Variants in RELT observed in about 807,000 individuals in gnomAD.
The protein encoded by RELT is RELT TNF receptor, also known as tumor necrosis factor receptor superfamily member 19L.
Under a neutral mutation model 51.1 loss-of-function variants are expected in RELT, and 37 were observed. The observed-to-expected ratio is 0.72, with a 90% CI of 0.56 to 0.95. The LOEUF is 0.95. RELT is among the 40% of genes least tolerant of loss of function. The probability of loss-of-function intolerance (pLI) is 0.00; values close to 1 mark genes in which losing one functional copy is unlikely to be tolerated. For missense variants in RELT, 535 were observed against 572.6 expected (o/e 0.93, Z 0.67); for synonymous variants, 241 against 235.7 (o/e 1.02, Z -0.21).
chr11:73,391,352 C>T (rs758480726), intron 5 of RELT, 129 bp downstream of exon 5: 104 of 840,754 alleles, frequency 1.2e-4, no homozygotes, highest in African/African-American at 7.2e-4. Context: ...CAGGGCAGGG[C>T]GTGCAGCCAA....
chr11:73,381,341 G>A (rs1177597554), intron 1 of RELT, among the ~76,000 whole-genome samples: 2 of 152,110 alleles, frequency 1.3e-5, no homozygotes, highest in Non-Finnish European at 2.9e-5. Flanking sequence ...GGGGACCTGC[G>A]CTTAGCCCAG....
intron 5 of RELT, 96 bp from the exon 6 acceptor site, chr11:73,392,115 C>G (rs993036970): frequency 1.4e-6 from 2 of 1,429,584 alleles, no homozygotes; most frequent in African/African-American, 2.8e-5. Flanking sequence ...CACATTGGCT[C>G]TCCTGCAGCC....
intron 5 of RELT, chr11:73,391,987 T>A: frequency 1.7e-6 from 1 of 603,284 alleles, no homozygotes; most frequent in Non-Finnish European, 2.9e-6. Flanking sequence ...GGGCTGGGTG[T>A]CTGGCCGTCC....
intron 2 of RELT, among the ~76,000 whole-genome samples, chr11:73,390,033 C>T (rs565362660): frequency 2.6e-5 from 4 of 152,114 alleles, no homozygotes; most frequent in Admixed American, 2.0e-4. Flanking sequence ...GGGGTAGCCT[C>T]GCCTTGAGGG....
chr11:73,394,468 C>A lies in RELT; in HGVS notation c.789-9C>A, dbSNP rs200772888. 3.1e-6 allele frequency: 5 copies of A among 1,609,988 alleles called. No individual in the cohort carries two copies. The highest frequency in any genetic ancestry group is 3.4e-6 in the Non-Finnish European group (4 of 1,177,834). ...GGCCTATGGCCACTTCTGCCTGTGC[C>A]CCCTGCAGGCTGCCGCCAGCGCCCC... On this transcript the variant is annotated splice_polypyrimidine_tract_variant and intron_variant, in intron 8 of 10. Coordinates refer to ENST00000064780, the MANE Select transcript of RELT (RefSeq NM_152222.2). This position sits in a 1 kb window ranked among gnomAD's most constrained non-coding sequence, Gnocchi z 4.9.
intron 3 of RELT, 50 bp from the exon 4 acceptor site, chr11:73,390,705 G>C (rs767596456): frequency 3.7e-6 from 6 of 1,609,408 alleles, no homozygotes; most frequent in Admixed American, 1.7e-5. Context: ...GGCCCCCAAG[G>C]GTCCTCAGGC....
chr11:73,379,677 G>A (rs1436772126), intron 1 of RELT, among the ~76,000 whole-genome samples: 1 of 152,204 alleles, frequency 6.6e-6, no homozygotes, highest in East Asian at 1.9e-4. Context: ...AGCACTGGAA[G>A]CAGGCCCAAG....
chr11:73,379,184 T>C (rs1348572302), intron 1 of RELT, among the ~76,000 whole-genome samples: 1 of 152,086 alleles, frequency 6.6e-6, no homozygotes, highest in Admixed American at 6.6e-5. Context: ...GCTGTCGTGG[T>C]CTCTAGGGGC....
intron 5 of RELT, 26 bp downstream of exon 5, chr11:73,391,249 T>C (rs1287342505): frequency 6.2e-7 from 1 of 1,605,274 alleles, no homozygotes. Flanking sequence ...GGGCTAGGAC[T>C]GGTGCAGGGG....
At position 73,393,580 on chromosome 11, in the gene RELT, G is replaced by A. The variant is rs1401900084; in HGVS notation, c.626-257G>A. 2.1e-6 allele frequency: 3 copies of A among 1,447,188 alleles called. No individual in the cohort carries two copies. The African/African-American group carries it at 4.2e-5, about 20-fold the overall frequency. The allele number at this position is 1,447,188 out of a possible 1,614,324, so 89.6% of individuals were successfully genotyped here. ...CCCTCGCCCGCCCAATTCAATGACT[G>A]GAGTTCACGTGGCCCTGAAGCCTCT... On this transcript the variant is annotated intron_variant, in intron 6 of 10. Coordinates refer to ENST00000064780, the MANE Select transcript of RELT (RefSeq NM_152222.2).
chr11:73,390,691 G>C (rs1011834329), intron 3 of RELT, 64 bp from the exon 4 acceptor site: 3 of 1,608,628 alleles, frequency 1.9e-6, no homozygotes, highest in African/African-American at 2.7e-5. Context: ...AGAGTCCTGT[G>C]CCTGGCCCCC....
At position 73,376,460 on chromosome 11, in the gene RELT, C is replaced by G. The variant is rs920181164; in HGVS notation, c.-65C>G. The stretch of plus-strand genomic sequence containing the variant: ...GCCGAGCCGGGCCGCGGCGCCGAGT[C>G]GAACGGGGAGCCGAGCTGGAGCTGC... On this transcript the variant is annotated 5_prime_UTR_variant, in exon 1 of 11. Coordinates refer to ENST00000064780, the MANE Select transcript of RELT (RefSeq NM_152222.2). 6.6e-6 allele frequency: 1 copy of G among 151,972 alleles called. No individual in the cohort carries two copies. Among genetic ancestry groups the G allele is most frequent in the African/African-American group, 2.4e-5 (1 of 41,414 alleles). The allele number at this position is 151,972 out of a possible 1,614,324, so 9.4% of individuals were successfully genotyped here.
chr11:73,392,700 CCCTGGGTGAAG>C, intron 6 of RELT: 2 of 1,423,108 alleles, frequency 1.4e-6, no homozygotes, highest in Non-Finnish European at 1.8e-6. Context: ...GTGGATCCTA[CCCTGGGTGAAG>C]CCTTGCCCAG....
Position 73,390,842 on chromosome 11 carries a change from C to G in RELT, c.208C>G (p.Arg70Gly). 1 of 1,612,692 alleles carries G rather than the reference C, an allele frequency of 6.2e-7. No homozygotes were observed. Among genetic ancestry groups the G allele is most frequent in the Non-Finnish European group, 8.5e-7 (1 of 1,179,734 alleles). ...WGSSPCQPHA[R>G]CSLWRRLEAQ... ...CTCCAGCCCATGCCAGCCCCATGCC[C>G]GTTGCAGCCTTTGGAGGAGGCTGGA... Residue 70 changes from arginine (R) to glycine (G), a missense_variant, in exon 4 of 11, where the codon CGT becomes GGT. Coordinates refer to ENST00000064780, the MANE Select transcript of RELT (RefSeq NM_152222.2).
At chr11:73,391,684 C>T (rs925999088) in intron 5 of RELT, among the ~76,000 whole-genome samples, 1 of 152,062 alleles carries the variant, frequency 6.6e-6, no homozygotes. Flanking sequence ...GAGGCTGAGG[C>T]GGGAGGATTG....
In RELT at chr11:73,392,357, T is replaced by C. The variant is rs757716754; in HGVS notation, c.514T>C (p.Phe172Leu). Residue 172 changes from phenylalanine (F) to leucine (L), a missense_variant, in exon 6 of 11, where the codon TTC (phenylalanine) becomes CTC (leucine). Physicochemically the swap from Phe to Leu is conservative, Grantham distance 22. Transcript: ENST00000064780. ...CGCGGTCATCGCCATCGTCCCTGTC[T>C]TCTGCCTCATGGGGCTGTTGGGCAT... ...QYAVIAIVPVFCLMGLLGILV... is the reference protein window; with the variant it reads ...QYAVIAIVPVLCLMGLLGILV... 7 of 1,613,740 alleles carry C rather than the reference T, an allele frequency of 4.3e-6. No homozygotes were observed. In the Admixed American group the frequency reaches 1.2e-4, roughly 27 times the overall value.
chr11:73,389,144 C>T lies in RELT; in HGVS notation c.8C>T (p.Pro3Leu). The part of the protein sequence containing the change: MK[P>L]SLLCRPLSCF... ...ACCACCAGGGGCCTGAGGATGAAGCCAAGTCTGCTGTGCCGGCCCCTGTCC... is the reference window on the plus strand; with the variant it reads ...ACCACCAGGGGCCTGAGGATGAAGCTAAGTCTGCTGTGCCGGCCCCTGTCC... The change falls in exon 2 of 11, where the codon CCA becomes CTA. Residue 3 changes from proline to leucine, a missense_variant. Coordinates refer to ENST00000064780, the MANE Select transcript of RELT (RefSeq NM_152222.2). The T allele has an allele frequency of 6.4e-7, 1 of 1,551,730 alleles. No homozygotes were observed. The highest frequency in any genetic ancestry group is 1.2e-5 in the South Asian group (1 of 84,194).
chr11:73,380,369 A>C (rs1414567953), intron 1 of RELT, among the ~76,000 whole-genome samples: 2 of 152,134 alleles, frequency 1.3e-5, no homozygotes, highest in Non-Finnish European at 2.9e-5. Flanking sequence ...GGTAGGGGGC[A>C]AGTGTAGTGC....
At chr11:73,390,457 C>A in intron 2 of RELT, 94 bp from the exon 3 acceptor site, 1 of 1,177,614 alleles carries the variant, frequency 8.5e-7, no homozygotes, top group Non-Finnish European at 1.3e-6. Flanking sequence ...TGGTCCCTAC[C>A]ACTGGGGTTT....
Sources: gnomAD v4.1 joint callset for allele counts (sites outside exome capture counted in the v4.1 genomes callset) on GRCh38, gnomAD v4.1.1 for gene constraint, Gnocchi (gnomAD v3.1) non-coding constraint, MANE v1.5 for transcripts, NCBI Gene and HGNC (gene_info 2026-07-23, HGNC 2026-07-21) for gene names.